METTL15: variants seen among roughly 807,000 people sequenced by gnomAD.
The protein encoded by METTL15 is 12S rRNA N(4)-cytidine methyltransferase METTL15.
A neutral mutation model predicts 38.3 loss-of-function variants in METTL15; 34 were observed. The ratio of observed to expected loss-of-function variants is 0.89; its 90% CI spans 0.68 to 1.18. METTL15 has a LOEUF of 1.18. Among genes scored for constraint, METTL15 ranks in the 50% most tolerant of loss-of-function variants. The pLI is 0.00. For synonymous variants in METTL15, 162 were observed against 170.9 expected, an observed-to-expected ratio of 0.95 and a Z score of 0.41; for missense variants, 438 against 498.4, an observed-to-expected ratio of 0.88 and a Z score of 1.15.
chr11:28,361,100 AAT>A (rs1302829862), intron 4 of METTL15, among the ~76,000 whole-genome samples: 1 of 151,720 alleles, frequency 6.6e-6, no homozygotes, highest in Non-Finnish European at 1.5e-5. Flanking sequence ...TGCTGTTGTG[AAT>A]AGTGCCGCAA....
At chr11:28,222,287 C>G (rs1195208369) in intron 4 of METTL15, among the ~76,000 whole-genome samples, 1 of 152,182 alleles carries the variant, frequency 6.6e-6, no homozygotes, top group East Asian at 1.9e-4. Flanking sequence ...TGCTCCCTTG[C>G]CGTTTGATCT....
intron 5 of METTL15, among the ~76,000 whole-genome samples, chr11:28,404,171 A>G (rs898435598): frequency 3.3e-5 from 5 of 152,086 alleles, no homozygotes; most frequent in African/African-American, 4.8e-5. Flanking sequence ...AGTTTATTAA[A>G]AGCTATGGAG....
chr11:28,238,253 C>T (rs1158888814), intron 4 of METTL15, among the ~76,000 whole-genome samples: 3 of 152,182 alleles, frequency 2.0e-5, no homozygotes, highest in African/African-American at 4.8e-5. Context: ...CTGTGGTGGG[C>T]TCCACCCAGT....
At chr11:28,339,485 T>C (rs1849930893) in intron 3 of METTL15, among the ~76,000 whole-genome samples, 1 of 148,666 alleles carries the variant, frequency 6.7e-6, no homozygotes, top group South Asian at 2.1e-4. Context: ...AAAAGATATT[T>C]CAGAAGGAAA....
intron 6 of METTL15, among the ~76,000 whole-genome samples, chr11:28,304,978 T>C (rs1043810680): frequency 9.9e-5 from 15 of 152,110 alleles, no homozygotes; most frequent in African/African-American, 3.6e-4. Flanking sequence ...TTTGGATGGC[T>C]CCCCAATATA....
intron 3 of METTL15, among the ~76,000 whole-genome samples, chr11:28,140,846 G>A (rs1193207057): frequency 1.3e-5 from 2 of 152,286 alleles, no homozygotes; most frequent in South Asian, 2.1e-4. Context: ...CCCTGTGGGC[G>A]TGTGGGCACT....
chr11:28,356,945 G>A (rs1850095677), intron 4 of METTL15, among the ~76,000 whole-genome samples: 1 of 152,116 alleles, frequency 6.6e-6, no homozygotes, highest in Non-Finnish European at 1.5e-5. Flanking sequence ...CAGGTGTGCT[G>A]GCCTCAGGAC....
chr11:28,216,803 C>T (rs929481581), intron 4 of METTL15, among the ~76,000 whole-genome samples: 6 of 147,876 alleles, frequency 4.1e-5, no homozygotes, highest in Non-Finnish European at 7.4e-5. Context: ...TGAGTGAGAA[C>T]ATGCGGTGTT....
chr11:28,208,001 T>G (rs574661110), intron 3 of METTL15, among the ~76,000 whole-genome samples: 2 of 152,290 alleles, frequency 1.3e-5, no homozygotes, highest in African/African-American at 2.4e-5. Context: ...CTTCTCTCAT[T>G]TCTTCTTTAT....
chr11:28,422,750 A>G (rs551327618), intron 5 of METTL15, among the ~76,000 whole-genome samples: 1 of 152,222 alleles, frequency 6.6e-6, no homozygotes, highest in South Asian at 2.1e-4. Flanking sequence ...CTGCTAATAG[A>G]AAACATTGGA....
intron 4 of METTL15, among the ~76,000 whole-genome samples, chr11:28,216,659 C>T (rs1322965168): frequency 1.3e-5 from 2 of 151,242 alleles, no homozygotes; most frequent in Non-Finnish European, 2.9e-5. Flanking sequence ...TGTGCTGCAC[C>T]CATTAGCTCA....
At chr11:28,281,491 CA>C (rs1856054327) in intron 4 of METTL15, among the ~76,000 whole-genome samples, 1 of 152,170 alleles carries the variant, frequency 6.6e-6, no homozygotes, top group African/African-American at 2.4e-5. Flanking sequence ...TTTGTTCCCT[CA>C]AGTCTTAGCC....
At chr11:28,235,952 A>C (rs1231543731) in intron 4 of METTL15, among the ~76,000 whole-genome samples, 1 of 151,328 alleles carries the variant, frequency 6.6e-6, no homozygotes, top group Non-Finnish European at 1.5e-5. Context: ...TTTGTCATAG[A>C]TAGCTCTTAT....
intron 4 of METTL15, among the ~76,000 whole-genome samples, chr11:28,221,021 A>G (rs941976236): frequency 6.6e-6 from 1 of 152,104 alleles, no homozygotes; most frequent in African/African-American, 2.4e-5. Context: ...ACTTTGGTGA[A>G]TCTGACAGTT....
At chr11:28,304,399 A>C (rs563198423) in intron 6 of METTL15, among the ~76,000 whole-genome samples, 1 of 152,250 alleles carries the variant, frequency 6.6e-6, no homozygotes, top group South Asian at 2.1e-4. Flanking sequence ...ATCCAGAGAG[A>C]ACCTTCAAAA....
chr11:28,209,041 C>A (rs931090698), intron 3 of METTL15, among the ~76,000 whole-genome samples: 1 of 151,478 alleles, frequency 6.6e-6, no homozygotes, highest in African/African-American at 2.4e-5. Context: ...ATTTTTTTTC[C>A]CCTGTGGAAA....
downstream of METTL15, among the ~76,000 whole-genome samples, chr11:28,334,528 T>C (rs1450553327): frequency 1.3e-5 from 2 of 152,056 alleles, no homozygotes; most frequent in African/African-American, 2.4e-5. Flanking sequence ...TAAATATAAA[T>C]TTGAAACTCT....
intron 3 of METTL15, among the ~76,000 whole-genome samples, chr11:28,158,431 C>A (rs1240481920): frequency 6.6e-6 from 1 of 152,166 alleles, no homozygotes; most frequent in Non-Finnish European, 1.5e-5. Context: ...CTGGCTACGG[C>A]CACTGCTGAG....
intron 6 of METTL15, among the ~76,000 whole-genome samples, chr11:28,441,285 G>C (rs1210229756): frequency 6.6e-6 from 1 of 151,880 alleles, no homozygotes; most frequent in Non-Finnish European, 1.5e-5. Flanking sequence ...CACCATGTTG[G>C]CCAGGCTGGT....
Sources: gnomAD v4.1 joint callset for allele counts (sites outside exome capture counted in the v4.1 genomes callset) on GRCh38, gnomAD v4.1.1 for gene constraint, MANE v1.5 for transcripts, NCBI Gene and HGNC (gene_info 2026-07-23, HGNC 2026-07-21) for gene names.